Variants in NKAIN2 observed in about 807,000 individuals in gnomAD.
The protein encoded by NKAIN2 is sodium/potassium-transporting ATPase subunit beta-1-interacting protein 2.
A neutral mutation model predicts 32.6 loss-of-function variants in NKAIN2; 14 were observed. The observed-to-expected ratio is 0.43, with a 90% CI of 0.28 to 0.67. NKAIN2 has a LOEUF of 0.67. NKAIN2 is among the 30% of genes least tolerant of loss of function. The probability of loss-of-function intolerance (pLI) is 0.17; values close to 1 mark genes in which losing one functional copy is unlikely to be tolerated. For missense variants in NKAIN2, 198 were observed against 258.3 expected (o/e 0.77, Z 1.60); for synonymous variants, 80 against 87.2 (o/e 0.92, Z 0.46).
chr6:123,829,819 A>G (rs914951453), intron 1 of NKAIN2, among the ~76,000 whole-genome samples: 4 of 152,238 alleles, frequency 2.6e-5, no homozygotes, highest in African/African-American at 7.2e-5. Flanking sequence ...TCCCAAAATA[A>G]GCAAAGTAAC....
chr6:124,688,570 T>C (rs1470685913), intron 4 of NKAIN2, among the ~76,000 whole-genome samples: 1 of 152,110 alleles, frequency 6.6e-6, no homozygotes, highest in African/African-American at 2.4e-5. Flanking sequence ...GTATCTACCA[T>C]TGTAGCATCA....
At chr6:123,880,977 G>A (rs903661199) in intron 1 of NKAIN2, among the ~76,000 whole-genome samples, 1 of 152,150 alleles carries the variant, frequency 6.6e-6, no homozygotes, top group African/African-American at 2.4e-5. Flanking sequence ...TTATATTACA[G>A]GGTGGGCAAG....
intron 3 of NKAIN2, among the ~76,000 whole-genome samples, chr6:124,491,520 G>A (rs565999304): frequency 5.2e-4 from 79 of 151,740 alleles, no homozygotes; most frequent in Non-Finnish European, 6.6e-4. Flanking sequence ...AAAAATGAAC[G>A]CAACATTTTT....
intron 5 of NKAIN2, among the ~76,000 whole-genome samples, chr6:124,813,856 C>T (rs114323967): frequency 0.016 from 2,429 of 152,222 alleles, 43 homozygotes; most frequent in African/African-American, 0.053. Flanking sequence ...AGATAAACTA[C>T]GACCCAAACA....
At chr6:124,174,755 A>T (rs1196956695) in intron 1 of NKAIN2, among the ~76,000 whole-genome samples, 1 of 152,192 alleles carries the variant, frequency 6.6e-6, no homozygotes, top group Non-Finnish European at 1.5e-5. Flanking sequence ...CATATGACCA[A>T]ACCAACTAAT....
chr6:124,609,791 A>G (rs1782626355), intron 3 of NKAIN2, among the ~76,000 whole-genome samples: 1 of 152,076 alleles, frequency 6.6e-6, no homozygotes, highest in African/African-American at 2.4e-5. Context: ...CCGTAAATAG[A>G]CAGAGTGGGG....
chr6:124,771,228 C>G (rs1778737876), intron 4 of NKAIN2, among the ~76,000 whole-genome samples: 1 of 152,050 alleles, frequency 6.6e-6, no homozygotes, highest in South Asian at 2.1e-4. Context: ...GTGGATATGT[C>G]TTATTTAGTT....
chr6:124,003,175 G>A (rs1425248248), intron 1 of NKAIN2, among the ~76,000 whole-genome samples: 1 of 152,186 alleles, frequency 6.6e-6, no homozygotes, highest in Non-Finnish European at 1.5e-5. Context: ...TTTATTGTTA[G>A]TCATCTACCA....
chr6:124,493,999 A>T (rs2114731171), intron 3 of NKAIN2, among the ~76,000 whole-genome samples: 1 of 152,062 alleles, frequency 6.6e-6, no homozygotes, highest in Admixed American at 6.6e-5. Flanking sequence ...TCAGGAAATT[A>T]TTTTCTCAAG....
At chr6:124,285,535 C>G (rs1047929263) in intron 2 of NKAIN2, among the ~76,000 whole-genome samples, 3 of 152,160 alleles carry the variant, frequency 2.0e-5, no homozygotes, top group African/African-American at 7.2e-5. Context: ...CTCAGAGTCT[C>G]CTTGCTGCCC....
At chr6:124,187,031 G>A (rs1582814071) in intron 1 of NKAIN2, among the ~76,000 whole-genome samples, 1 of 152,230 alleles carries the variant, frequency 6.6e-6, no homozygotes, top group Non-Finnish European at 1.5e-5. Flanking sequence ...GCTTTTTAGA[G>A]CAGTCTGTGG....
chr6:123,972,258 A>G (rs1244346805), intron 1 of NKAIN2, among the ~76,000 whole-genome samples: 1 of 152,228 alleles, frequency 6.6e-6, no homozygotes, highest in African/African-American at 2.4e-5. Flanking sequence ...TTGGAAAGCC[A>G]AAAGTTACTG....
intron 3 of NKAIN2, among the ~76,000 whole-genome samples, chr6:124,651,461 G>A (rs888809104): frequency 2.0e-5 from 3 of 152,162 alleles, no homozygotes; most frequent in African/African-American, 7.2e-5. Context: ...CTGGGCCCCA[G>A]GCTGCCTAAT....
chr6:124,430,004 G>A (rs1326919254), intron 3 of NKAIN2, among the ~76,000 whole-genome samples: 1 of 152,022 alleles, frequency 6.6e-6, no homozygotes, highest in Non-Finnish European at 1.5e-5. Flanking sequence ...AAGTCAAGGG[G>A]AAAAATATGA....
chr6:124,328,410 A>G (rs1797505831), intron 2 of NKAIN2, among the ~76,000 whole-genome samples: 1 of 152,146 alleles, frequency 6.6e-6, no homozygotes, highest in African/African-American at 2.4e-5. Flanking sequence ...ATGGTGATTC[A>G]TCAAAGTGTT....
intron 4 of NKAIN2, among the ~76,000 whole-genome samples, chr6:124,710,970 G>C (rs1407897017): frequency 6.7e-6 from 1 of 149,402 alleles, no homozygotes; most frequent in African/African-American, 2.5e-5. Flanking sequence ...GGCTGGTACG[G>C]GTTGTTCCTT....
At chr6:124,662,241 T>C (rs1784772956) in intron 4 of NKAIN2, among the ~76,000 whole-genome samples, 1 of 152,136 alleles carries the variant, frequency 6.6e-6, no homozygotes, top group Non-Finnish European at 1.5e-5. Flanking sequence ...ATACTTTACT[T>C]CCTGTGATAA....
At chr6:124,274,812 T>TA (rs910855359) in intron 1 of NKAIN2, among the ~76,000 whole-genome samples, 21 of 152,074 alleles carry the variant, frequency 1.4e-4, no homozygotes, top group African/African-American at 3.6e-4. Flanking sequence ...TGTGTTATGA[T>TA]AAAAAAATTA....
chr6:123,916,813 GTATC>G (rs758705230), intron 1 of NKAIN2, among the ~76,000 whole-genome samples: 3 of 56,318 alleles, frequency 5.3e-5, no homozygotes, highest in Non-Finnish European at 9.9e-5. Flanking sequence ...GTGTATCTAT[GTATC>G]TATCTATCTA....
Sources: allele counts gnomAD v4.1 joint callset (sites outside exome capture counted in the v4.1 genomes callset), GRCh38; gene constraint gnomAD v4.1.1; transcripts MANE v1.5; gene names NCBI Gene and HGNC (gene_info 2026-07-23, HGNC 2026-07-21).